PARD3B: variants seen among roughly 807,000 people sequenced by gnomAD.
PARD3B encodes partitioning defective 3 homolog B.
A neutral mutation model predicts 130.2 loss-of-function variants in PARD3B; 103 were observed. The ratio of observed to expected loss-of-function variants is 0.79; its 90% CI spans 0.67 to 0.93. The LOEUF (loss-of-function observed/expected upper bound fraction) is 0.93. Ranked by LOEUF, PARD3B falls within the 40% of genes least tolerant of loss-of-function variation. The pLI, the probability that PARD3B is intolerant of heterozygous loss-of-function variation, is 0.00. For missense variants in PARD3B, 1,609 were observed against 1,499.2 expected (o/e 1.07, Z -1.21); for synonymous variants, 583 against 553.2 (o/e 1.05, Z -0.76).
chr2:204,804,316 T>A (rs1231460457), intron 2 of PARD3B, among the ~76,000 whole-genome samples: 3 of 152,038 alleles, frequency 2.0e-5, no homozygotes, highest in Non-Finnish European at 4.4e-5. Context: ...AGATATTCCA[T>A]GCAAATTGAA....
intron 4 of PARD3B, among the ~76,000 whole-genome samples, chr2:205,092,644 G>C (rs1261586349): frequency 1.3e-5 from 2 of 152,090 alleles, no homozygotes; most frequent in Non-Finnish European, 2.9e-5. Context: ...GAGATAGCTG[G>C]AAGAGGAGAG....
At chr2:204,845,245 A>T (rs1575119615) in intron 2 of PARD3B, among the ~76,000 whole-genome samples, 1 of 152,242 alleles carries the variant, frequency 6.6e-6, no homozygotes, top group South Asian at 2.1e-4. Flanking sequence ...ATTCTTGCTG[A>T]CTTGAAGTAG....
chr2:204,610,958 G>A lies in PARD3B; in HGVS notation c.120+64839G>A, dbSNP rs569610904. Among the ~76,000 whole-genome samples, 146 of 152,244 alleles carry A rather than the reference G, an allele frequency of 9.6e-4. No individual in the cohort carries two copies. Among genetic ancestry groups the A allele is most frequent in the Middle Eastern group, 3.4e-3 (1 of 294 alleles). On this transcript the variant is annotated intron_variant, in intron 1 of 22. Coordinates refer to ENST00000406610, the MANE Select transcript of PARD3B (RefSeq NM_001302769.2). The surrounding 1 kb of genome is among the most constrained non-coding windows in gnomAD (Gnocchi z 4.1). The stretch of plus-strand genomic sequence containing the variant: ...CACTGAAAATGATTGTTCCCAAACT[G>A]CATTTCCTGCTTTTCGAAATCATTT...
chr2:204,614,190 G>A (rs1574551990), intron 1 of PARD3B, among the ~76,000 whole-genome samples: 1 of 152,186 alleles, frequency 6.6e-6, no homozygotes, highest in African/African-American at 2.4e-5. Flanking sequence ...AAAAATACAA[G>A]CTACATATGC....
chr2:205,038,636 G>C (rs148105876), intron 3 of PARD3B, among the ~76,000 whole-genome samples: 1 of 152,158 alleles, frequency 6.6e-6, no homozygotes, highest in Non-Finnish European at 1.5e-5. Flanking sequence ...ACATATTTTT[G>C]TAGCACTGGC....
Position 205,382,428 on chromosome 2 carries a change from C to G in PARD3B, c.2631-18585C>G, listed in dbSNP as rs113765941. Among the ~76,000 whole-genome samples, 10 of 152,188 alleles carry G rather than the reference C, an allele frequency of 6.6e-5. 1 individual carries two copies. Among genetic ancestry groups the G allele is most frequent in the African/African-American group, 2.4e-4 (10 of 41,552 alleles). ...GTATCTTATAACTAGTGATGTTCAT[C>G]TTGATCATTTCATTAAGCCATGTCC... On this transcript the variant is annotated intron_variant, in intron 18 of 22. Transcript: ENST00000406610.
chr2:205,333,515 A>C (rs528305363), intron 18 of PARD3B, among the ~76,000 whole-genome samples: 1 of 152,192 alleles, frequency 6.6e-6, no homozygotes, highest in East Asian at 1.9e-4. Context: ...ATTCCTAACC[A>C]CCCTGGGCTT....
intron 1 of PARD3B, among the ~76,000 whole-genome samples, chr2:204,554,528 G>A (rs1320528198): frequency 6.6e-6 from 1 of 151,618 alleles, no homozygotes; most frequent in Non-Finnish European, 1.5e-5. Flanking sequence ...AAATCTGGTT[G>A]ACTCTGCTCT....
chr2:205,423,349 G>C (rs2047037535), intron 19 of PARD3B, among the ~76,000 whole-genome samples: 2 of 152,212 alleles, frequency 1.3e-5, no homozygotes, highest in Non-Finnish European at 2.9e-5. Flanking sequence ...GGGGACCTTA[G>C]TTTGCAGACC....
intron 2 of PARD3B, among the ~76,000 whole-genome samples, chr2:204,765,666 AG>A (rs2041114103): frequency 6.6e-6 from 1 of 152,216 alleles, no homozygotes; most frequent in Admixed American, 6.5e-5. Context: ...TCAGCCTGAA[AG>A]AAGTACCATT....
Position 205,210,211 on chromosome 2 carries a change from T to A in PARD3B, c.2140+16891T>A, listed in dbSNP as rs529742883. Among the ~76,000 whole-genome samples the A allele has an allele frequency of 8.2e-4, 125 of 151,926 alleles. 1 individual carries two copies. The Middle Eastern group carries it at 0.02, about 25-fold the overall frequency. On this transcript the variant is annotated intron_variant, in intron 15 of 22. Transcript: ENST00000406610. The stretch of plus-strand genomic sequence containing the variant: ...CAAGACCCCATCTCTACAAAAAAAA[T>A]TTTAAAAATAAATAAAATTTTTTAA...
Position 205,471,519 on chromosome 2 carries a change from G to A in PARD3B, c.3045-28377G>A, listed in dbSNP as rs544027371. 4.6e-5 allele frequency among the ~76,000 whole-genome samples: 7 copies of A among 151,912 alleles called. No homozygotes were observed. In the South Asian group the frequency reaches 6.3e-4, roughly 14 times the overall value. On this transcript the variant is annotated intron_variant, in intron 20 of 22. Transcript: ENST00000406610. ...TGGGATTACAGGCATGCGCCACCACGCCTGGCTAATTTCTTGTACTTTTAG... is the reference window on the plus strand; with the variant it reads ...TGGGATTACAGGCATGCGCCACCACACCTGGCTAATTTCTTGTACTTTTAG...
At chr2:204,939,829 A>G (rs1688764270) in intron 2 of PARD3B, among the ~76,000 whole-genome samples, 2 of 152,216 alleles carry the variant, frequency 1.3e-5, no homozygotes, top group East Asian at 3.8e-4. Context: ...ATAATAGTCA[A>G]AAATGTTTCC....
intron 2 of PARD3B, among the ~76,000 whole-genome samples, chr2:204,704,826 T>C (rs138866766): frequency 3.9e-5 from 6 of 152,118 alleles, no homozygotes; most frequent in African/African-American, 1.4e-4. Flanking sequence ...CAAAAAAGAA[T>C]TTTTTATTGG....
At chr2:204,965,554 A>G (rs1390566756) in intron 3 of PARD3B, among the ~76,000 whole-genome samples, 1 of 152,170 alleles carries the variant, frequency 6.6e-6, no homozygotes, top group Non-Finnish European at 1.5e-5. Context: ...CCTCGAAGTA[A>G]CACGGGGGAG....
intron 2 of PARD3B, among the ~76,000 whole-genome samples, chr2:204,850,514 G>A (rs752722748): frequency 7.3e-6 from 1 of 136,362 alleles, no homozygotes; most frequent in Non-Finnish European, 1.5e-5. Context: ...ATATATATGT[G>A]TGTGATTGAT....
intron 2 of PARD3B, among the ~76,000 whole-genome samples, chr2:204,781,866 A>G (rs1415250197): frequency 6.6e-6 from 1 of 151,966 alleles, no homozygotes; most frequent in Non-Finnish European, 1.5e-5. Context: ...CCGGCTGTTT[A>G]TTTGTTGTTA....
At chr2:205,346,916 A>T (rs2043814960) in intron 18 of PARD3B, among the ~76,000 whole-genome samples, 1 of 152,148 alleles carries the variant, frequency 6.6e-6, no homozygotes, top group Admixed American at 6.5e-5. Flanking sequence ...CTAATGGCTA[A>T]TGCTCGGTGG....
intron 3 of PARD3B, among the ~76,000 whole-genome samples, chr2:204,970,909 T>G (rs1036356855): frequency 5.3e-5 from 8 of 152,226 alleles, no homozygotes; most frequent in Admixed American, 2.6e-4. Context: ...TTTTGAGACT[T>G]GAAAGCTGAA....
Sources: allele counts gnomAD v4.1 joint callset (sites outside exome capture counted in the v4.1 genomes callset), GRCh38; gene constraint gnomAD v4.1.1; non-coding constraint Gnocchi (gnomAD v3.1); transcripts MANE v1.5; gene names NCBI Gene and HGNC (gene_info 2026-07-23, HGNC 2026-07-21).